The following CYP1A2 variants were observed in gnomAD, a reference collection of about 807,000 sequenced individuals.
CYP1A2 encodes cytochrome P450 family 1 subfamily A member 2, also known as cytochrome P450 1A2.
A neutral mutation model predicts 34.7 loss-of-function variants in CYP1A2; 35 were observed. The observed-to-expected ratio is 1.01, with a 90% CI of 0.77 to 1.34. The LOEUF (loss-of-function observed/expected upper bound fraction) is 1.34. CYP1A2 is among the 40% of genes most tolerant of loss of function. The pLI, the probability that CYP1A2 is intolerant of heterozygous loss-of-function variation, is 0.00. For synonymous variants in CYP1A2, 288 were observed against 281.9 expected (o/e 1.02, Z -0.22); for missense variants, 675 against 675.8 (o/e 1.00, Z 0.01).
Position 74,749,926 on chromosome 15 carries a change from T to C in CYP1A2, c.188T>C (p.Leu63Pro). 6.2e-7 allele frequency: 1 copy of C among 1,611,502 alleles called. No homozygotes were observed. Among genetic ancestry groups the C allele is most frequent in the Non-Finnish European group, 8.5e-7 (1 of 1,177,894 alleles). Residue 63 changes from leucine to proline, a missense_variant, in exon 2 of 7, where the codon CTG (leucine) becomes CCG (proline). Physicochemically the swap from Leu to Pro is moderately conservative, Grantham distance 98 (BLOSUM62 -3). Transcript: ENST00000343932. ...HVLTLGKNPH[L>P]ALSRMSQRYG... ...CTGACCCTGGGGAAGAACCCGCACC[T>C]GGCACTGTCAAGGATGAGCCAGCGC...
chr15:74,751,223 A>G lies in CYP1A2; in HGVS notation c.866A>G (p.Lys289Arg), dbSNP rs774252909. ...CGGGACATCACGGGTGCCCTGTTCA[A>G]GCACAGCAAGAAGGGGCCTAGAGCC... is the stretch of plus-strand genomic sequence containing the variant. ...SVRDITGALFKHSKKGPRASG... is the reference protein window; with the variant it reads ...SVRDITGALFRHSKKGPRASG... The change falls in exon 3 of 7, where the codon AAG (lysine) becomes AGG (arginine). Residue 289 changes from lysine (K) to arginine (R), a missense_variant. Lys to Arg is a conservative substitution (Grantham distance 26). Coordinates refer to ENST00000343932, the MANE Select transcript of CYP1A2 (RefSeq NM_000761.5). 12 of 1,614,010 alleles carry G rather than the reference A, an allele frequency of 7.4e-6. No individual in the cohort carries two copies. The South Asian group carries it at 1.2e-4, about 16-fold the overall frequency.
rs1156477712 is a variant in CYP1A2 at position 74,750,062 on chromosome 15, G to A, written c.324G>A (p.Arg108=). The A allele has an allele frequency of 6.2e-7, 1 of 1,613,952 alleles. No individual in the cohort carries two copies. The highest frequency in any genetic ancestry group is 8.5e-7 in the Non-Finnish European group (1 of 1,180,004). ...LVRQGDDFKG[R]PDLYTSTLIT... is the part of the protein sequence containing the mutation. ...GGCAGGGCGACGATTTCAAGGGCCG[G>A]CCTGACCTCTACACCTCCACCCTCA... The change falls in exon 2 of 7, where the codon CGG becomes CGA. Residue 108 remains arginine (R), a synonymous_variant. Transcript: ENST00000343932.
chr15:74,754,299 G>T (rs2063328484), intron 6 of CYP1A2, among the ~76,000 whole-genome samples: 1 of 151,808 alleles, frequency 6.6e-6, no homozygotes, highest in Non-Finnish European at 1.5e-5. Flanking sequence ...TTTAGAGAGA[G>T]CTTTGTAAAA....
chr15:74,754,464 G>A (rs1452908380), intron 6 of CYP1A2, among the ~76,000 whole-genome samples: 38 of 150,688 alleles, frequency 2.5e-4, no homozygotes, highest in Non-Finnish European at 2.5e-4. Context: ...AAATTAGCCG[G>A]ATATGGTGCC....
chr15:74,750,149 G>A lies in CYP1A2; in HGVS notation c.411G>A (p.Arg137=), dbSNP rs551386466. 12 of 1,614,056 alleles carry A rather than the reference G, an allele frequency of 7.4e-6. No individual in the cohort carries two copies. In the East Asian group the frequency reaches 2.7e-4, roughly 36 times the overall value. The change falls in exon 2 of 7, where the codon CGG becomes CGA. Residue 137 remains arginine (R), a synonymous_variant. Transcript: ENST00000343932. The stretch of plus-strand genomic sequence containing the variant: ...CTGGACCGGTGTGGGCTGCCCGCCG[G>A]CGCCTGGCCCAGAATGCCCTCAACA... ...TDSGPVWAAR[R]RLAQNALNTF...
At chr15:74,753,306 G>A in intron 6 of CYP1A2, 36 bp downstream of exon 6, 5 of 1,559,208 alleles carry the variant, frequency 3.2e-6, no homozygotes, top group South Asian at 2.2e-5. Context: ...ATGTGTGCAG[G>A]TTCAGCAGTC....
chr15:74,752,411 C>A (rs1438253408), intron 5 of CYP1A2, among the ~76,000 whole-genome samples, 164 bp downstream of exon 5: 1 of 152,216 alleles, frequency 6.6e-6, no homozygotes, highest in East Asian at 1.9e-4. Context: ...ATCTAACCCC[C>A]AGCTCTCAGG....
rs890187686 is a variant in CYP1A2 at position 74,751,239 on chromosome 15, G to T, written c.882G>T (p.Gly294=). The part of the protein sequence containing the change: ...TGALFKHSKK[G]PRASGNLIPQ... ...CCCTGTTCAAGCACAGCAAGAAGGG[G>T]CCTAGAGCCAGCGGCAACCTCATCC... The change falls in exon 3 of 7, where the codon GGG becomes GGT. Residue 294 remains glycine, a synonymous_variant. Transcript: ENST00000343932. 6.2e-6 allele frequency: 10 copies of T among 1,613,978 alleles called. No individual in the cohort carries two copies. In the African/African-American group the frequency reaches 1.3e-4, roughly 22 times the overall value.
intron 4 of CYP1A2, 52 bp downstream of exon 4, chr15:74,751,906 T>C: frequency 6.3e-7 from 1 of 1,591,220 alleles, no homozygotes; most frequent in Non-Finnish European, 8.6e-7. Context: ...AGACCCAGGT[T>C]GTTTGTTCAG....
At position 74,752,233 on chromosome 15, in the gene CYP1A2, C is replaced by T; in HGVS notation, c.1152C>T (p.Phe384=). ...ETFRHSSFLP[F]TIPHSTTRDT... ...TCCGACACTCCTCCTTCTTGCCCTT[C>T]ACCATCCCCCACAGGTGAGGCCTGC... is the stretch of plus-strand genomic sequence containing the variant. The change falls in exon 5 of 7, where the codon TTC becomes TTT. Residue 384 remains phenylalanine (F), a synonymous_variant. Coordinates refer to ENST00000343932, the MANE Select transcript of CYP1A2 (RefSeq NM_000761.5). 6.2e-7 allele frequency: 1 copy of T among 1,614,000 alleles called. No homozygotes were observed.
At chr15:74,754,742 C>T (rs1332170705) in intron 6 of CYP1A2, 49 bp from the exon 7 acceptor site, 1 of 1,573,502 alleles carries the variant, frequency 6.4e-7, no homozygotes, top group East Asian at 2.3e-5. Context: ...GCACCTCCTC[C>T]CAGGGCCTCT....
rs751021171 is a variant in CYP1A2 at position 74,755,010 on chromosome 15, G to T, written c.1473G>T (p.Leu491=). 42 of 1,614,060 alleles carry T rather than the reference G, an allele frequency of 2.6e-5. No homozygotes were observed. Among genetic ancestry groups the T allele is most frequent in the Non-Finnish European group, 3.6e-5 (42 of 1,180,044 alleles). The change falls in exon 7 of 7, where the codon CTG becomes CTT. Residue 491 remains leucine (L), a synonymous_variant. Transcript: ENST00000343932. Reference sequence around the variant, plus strand: ...TGCCGCCGGGCGTGAAAGTCGACCTGACCCCCATCTACGGGCTGACCATGA... The same window carrying T: ...TGCCGCCGGGCGTGAAAGTCGACCTTACCCCCATCTACGGGCTGACCATGA... The part of the protein sequence containing the change: ...FSVPPGVKVD[L]TPIYGLTMKH...
chr15:74,750,318 G>T lies in CYP1A2; in HGVS notation c.580G>T (p.Val194Leu). ...GHFDPYNQVV[V>L]SVANVIGAMC... ...CTTCGACCCTTACAATCAGGTGGTG[G>T]TGTCAGTGGCCAACGTCATTGGTGC... Residue 194 changes from valine (V) to leucine (L), a missense_variant, in exon 2 of 7, where the codon GTG becomes TTG. Physicochemically the swap from Val to Leu is conservative, Grantham distance 32. Transcript: ENST00000343932. The T allele has an allele frequency of 1.2e-6, 2 of 1,613,974 alleles. No individual in the cohort carries two copies. Among genetic ancestry groups the T allele is most frequent in the South Asian group, 2.2e-5 (2 of 91,062 alleles).
At position 74,750,159 on chromosome 15, in the gene CYP1A2, C is replaced by G; in HGVS notation, c.421C>G (p.Gln141Glu). ...PVWAARRRLAQNALNTFSIAS... is the reference protein window; with the variant it reads ...PVWAARRRLAENALNTFSIAS... ...GTGGGCTGCCCGCCGGCGCCTGGCC[C>G]AGAATGCCCTCAACACCTTCTCCAT... is the stretch of plus-strand genomic sequence containing the variant. Residue 141 changes from glutamine to glutamate, a missense_variant, in exon 2 of 7, where the codon CAG (glutamine) becomes GAG (glutamate). Transcript: ENST00000343932. 6.2e-7 allele frequency: 1 copy of G among 1,614,144 alleles called. No individual in the cohort carries two copies. The highest frequency in any genetic ancestry group is 8.5e-7 in the Non-Finnish European group (1 of 1,180,044).
At chr15:74,751,168 C>T (rs750707671) in intron 2 of CYP1A2, 21 bp from the exon 3 acceptor site, 1 of 1,613,376 alleles carries the variant, frequency 6.2e-7, no homozygotes, top group Non-Finnish European at 8.5e-7. Context: ...CAGAGGTGCC[C>T]CTAAGCTTGT....
In CYP1A2 at chr15:74,754,790, G is replaced by C; in HGVS notation, c.1254-1G>C. On this transcript the variant is annotated splice_acceptor_variant, in intron 6 of 6. Coordinates refer to ENST00000343932, the MANE Select transcript of CYP1A2 (RefSeq NM_000761.5). LOFTEE classifies it high-confidence loss of function. ...TCCCATCTCCTCTGTTCCTCTTGCA[G>C]AGAGCTGTGGGAGGACCCCTCTGAG... 6 of 1,608,912 alleles carry C rather than the reference G, an allele frequency of 3.7e-6. No homozygotes were observed. The highest frequency in any genetic ancestry group is 5.1e-6 in the Non-Finnish European group (6 of 1,175,520).
intron 6 of CYP1A2, among the ~76,000 whole-genome samples, chr15:74,754,583 A>G (rs1164527463): frequency 2.0e-5 from 3 of 151,182 alleles, no homozygotes; most frequent in African/African-American, 2.4e-5. Flanking sequence ...CCTGGGTGAT[A>G]GGAGCCGGAG....
At position 74,752,130 on chromosome 15, in the gene CYP1A2, T is replaced by G. The variant is rs764121366; in HGVS notation, c.1049T>G (p.Val350Gly). The G allele has an allele frequency of 1.1e-5, 17 of 1,613,970 alleles. No individual in the cohort carries two copies. The South Asian group carries it at 1.6e-4, about 16-fold the overall frequency. Reference protein sequence around the residue: ...QRKIQKELDTVIGRERRPRLS... With the variant: ...QRKIQKELDTGIGRERRPRLS... Reference sequence around the variant, plus strand: ...TGTCCTCTGTGTTCTACAGACACTGTGATTGGCAGGGAGCGGCGGCCCCGG... The same window carrying G: ...TGTCCTCTGTGTTCTACAGACACTGGGATTGGCAGGGAGCGGCGGCCCCGG... Residue 350 changes from valine (V) to glycine (G), a missense_variant, in exon 5 of 7, where the codon GTG becomes GGG. Physicochemically the swap from Val to Gly is moderately radical, Grantham distance 109. Coordinates refer to ENST00000343932, the MANE Select transcript of CYP1A2 (RefSeq NM_000761.5).
At chr15:74,753,590 G>A (rs1293449340) in intron 6 of CYP1A2, among the ~76,000 whole-genome samples, 1 of 151,996 alleles carries the variant, frequency 6.6e-6, no homozygotes, top group Admixed American at 6.6e-5. Flanking sequence ...ACAAAAATTA[G>A]CCGGACATGG....
Sources: gnomAD v4.1 joint callset for allele counts (sites outside exome capture counted in the v4.1 genomes callset) on GRCh38, gnomAD v4.1.1 for gene constraint, MANE v1.5 for transcripts, NCBI Gene and HGNC (gene_info 2026-07-23, HGNC 2026-07-21) for gene names.